TRPC5: variants seen among roughly 807,000 people sequenced by gnomAD.
The protein encoded by TRPC5 is short transient receptor potential channel 5.
In TRPC5, 9 loss-of-function variants were observed where a neutral mutation model predicts 56.5. That is an observed-to-expected ratio of 0.16 (90% CI 0.10 to 0.28). The LOEUF is 0.28. Among genes scored for constraint, TRPC5 ranks in the 10% least tolerant of loss-of-function variants. The probability of loss-of-function intolerance (pLI) is 1.00; values close to 1 mark genes in which losing one functional copy is unlikely to be tolerated. For missense variants in TRPC5, 469 were observed against 748.9 expected (o/e 0.63, Z 4.36); for synonymous variants, 282 against 278.5 (o/e 1.01, Z -0.13).
chrX:112,052,965 G>A (rs1036946312), intron 1 of TRPC5, among the ~76,000 whole-genome samples: 2 of 111,724 alleles, frequency 1.8e-5, no homozygotes, highest in Middle Eastern at 4.6e-3. Context: ...TGGCATATAT[G>A]TCTGCCTTTG....
chrX:111,982,268 C>T (rs755988731), intron 1 of TRPC5, among the ~76,000 whole-genome samples: 6 of 112,010 alleles, frequency 5.4e-5, no homozygotes, highest in Non-Finnish European at 1.1e-4. Flanking sequence ...AAGAAATACG[C>T]ATGATAATTA....
intron 6 of TRPC5, among the ~76,000 whole-genome samples, chrX:111,839,788 C>T (rs1372046852): frequency 9.0e-6 from 1 of 111,027 alleles, no homozygotes; most frequent in Non-Finnish European, 1.9e-5. Flanking sequence ...ACAATTATTG[C>T]TCGCTGCAGT....
rs138912641 is a variant in TRPC5 at position 111,928,588 on chromosome X, C to T, written c.379-15776G>A. Among the ~76,000 whole-genome samples, 732 of 111,887 alleles carry T rather than the reference C, an allele frequency of 6.5e-3. 3 individuals are homozygous for T. Among genetic ancestry groups the T allele is most frequent in the Non-Finnish European group, 9.6e-3 (510 of 53,186 alleles). ...AGTATACCTTTCGCTGTTGTCACAG[C>T]GGACCAAGTGTTAAAAGAAAGGAGC... On this transcript the variant is annotated intron_variant, in intron 2 of 10. Transcript: ENST00000262839.
At chrX:111,963,052 G>A (rs1227671392) in intron 1 of TRPC5, among the ~76,000 whole-genome samples, 1 of 112,202 alleles carries the variant, frequency 8.9e-6, no homozygotes, top group Admixed American at 9.4e-5. Flanking sequence ...CAGCGCAAGG[G>A]GTCAGGGAGT....
intron 7 of TRPC5, among the ~76,000 whole-genome samples, chrX:111,784,451 C>T (rs1945944516): frequency 9.0e-6 from 1 of 111,551 alleles, no homozygotes; most frequent in Admixed American, 9.5e-5. Context: ...GGAGTGGGGG[C>T]ATTACAAGAT....
chrX:111,886,454 C>A (rs1461405304), intron 3 of TRPC5, among the ~76,000 whole-genome samples: 1 of 111,638 alleles, frequency 9.0e-6, no homozygotes, highest in Admixed American at 9.5e-5. Flanking sequence ...TGCATTGACA[C>A]TTCTTTTTTT....
At chrX:111,808,817 C>T (rs1921606664) in intron 7 of TRPC5, among the ~76,000 whole-genome samples, 1 of 110,044 alleles carries the variant, frequency 9.1e-6, no homozygotes, top group East Asian at 2.9e-4. Flanking sequence ...TACTACAGGA[C>T]TAACACTCCT....
chrX:111,994,427 C>T (rs1336119827), intron 1 of TRPC5, among the ~76,000 whole-genome samples: 1 of 111,181 alleles, frequency 9.0e-6, no homozygotes, highest in Non-Finnish European at 1.9e-5. Flanking sequence ...TAGTTTTTTC[C>T]AATTCTGTGA....
chrX:111,998,918 A>G (rs762154743), intron 1 of TRPC5, among the ~76,000 whole-genome samples: 45 of 110,194 alleles, frequency 4.1e-4, no homozygotes, highest in Admixed American at 8.6e-4. Flanking sequence ...ATTGAACACT[A>G]TAAGTTATTT....
At chrX:111,916,533 G>T (rs1259448661) in intron 2 of TRPC5, among the ~76,000 whole-genome samples, 1 of 111,893 alleles carries the variant, frequency 8.9e-6, no homozygotes, top group Non-Finnish European at 1.9e-5. Flanking sequence ...CTATAATGAG[G>T]GTTAGAAGAT....
chrX:112,006,059 T>A lies in TRPC5; in HGVS notation c.-21-53618A>T, dbSNP rs931659276. Among the ~76,000 whole-genome samples the A allele has an allele frequency of 3.6e-5, 4 of 111,462 alleles. No individual in the cohort carries two copies. In the South Asian group the frequency reaches 1.5e-3, roughly 43 times the overall value. On this transcript the variant is annotated intron_variant, in intron 1 of 10. Transcript: ENST00000262839. Reference sequence around the variant, plus strand: ...AAACCCAGTTGGCAAATGTGCTGCTTCCTCTCCATGTCTGCCTCTGCAGCT... The same window carrying A: ...AAACCCAGTTGGCAAATGTGCTGCTACCTCTCCATGTCTGCCTCTGCAGCT...
intron 1 of TRPC5, among the ~76,000 whole-genome samples, chrX:112,066,134 T>C (rs1317198571): frequency 9.4e-6 from 1 of 106,803 alleles, no homozygotes; most frequent in Non-Finnish European, 1.9e-5. Flanking sequence ...GCTCTTATGT[T>C]ACATCCCTTC....
chrX:112,051,466 G>C (rs2147733977), intron 1 of TRPC5, among the ~76,000 whole-genome samples: 1 of 111,516 alleles, frequency 9.0e-6, no homozygotes, highest in Admixed American at 9.5e-5. Context: ...CAATAAGTGA[G>C]AGCAGAAATT....
chrX:112,035,093 A>T (rs868626494), intron 1 of TRPC5, among the ~76,000 whole-genome samples: 1 of 104,303 alleles, frequency 9.6e-6, no homozygotes, highest in African/African-American at 3.7e-5. Flanking sequence ...TTTTTTTAAA[A>T]AAAAAAAAAT....
chrX:112,040,244 A>G (rs1929857996), intron 1 of TRPC5, among the ~76,000 whole-genome samples: 1 of 112,376 alleles, frequency 8.9e-6, no homozygotes, highest in Non-Finnish European at 1.9e-5. Flanking sequence ...ATGTGTTCGT[A>G]CATGACCTTG....
rs192792016 is a variant in TRPC5 at position 111,887,860 on chromosome X, T to C, written c.900+24431A>G. Reference sequence around the variant, plus strand: ...ATCCCTGCCTTCATGGAGCTTACATTCTAGAGAGGAAAACCAGAAAATAAA... The same window carrying C: ...ATCCCTGCCTTCATGGAGCTTACATCCTAGAGAGGAAAACCAGAAAATAAA... On this transcript the variant is annotated intron_variant, in intron 3 of 10. Transcript: ENST00000262839. Among the ~76,000 whole-genome samples, 203 of 112,165 alleles carry C rather than the reference T, an allele frequency of 1.8e-3. 1 individual carries two copies. Among genetic ancestry groups the C allele is most frequent in the African/African-American group, 6.3e-3 (194 of 30,913 alleles).
intron 1 of TRPC5, among the ~76,000 whole-genome samples, chrX:112,020,375 C>T (rs758710496): frequency 8.9e-6 from 1 of 112,050 alleles, no homozygotes; most frequent in Admixed American, 9.5e-5. Context: ...CTCAGAGGTT[C>T]TGGGTCTTTG....
chrX:111,771,345 A>G lies in TRPC5; in HGVS notation c.*4968T>C, dbSNP rs1004801515. Among the ~76,000 whole-genome samples, 2 of 111,847 alleles carry G rather than the reference A, an allele frequency of 1.8e-5. No individual in the cohort carries two copies. The highest frequency in any genetic ancestry group is 9.5e-5 in the Admixed American group (1 of 10,478). ...ATGTTTAAATATTATAATTCTTAATATGTATATGTCTCTCAGGTACCACAA... is the reference window on the plus strand; with the variant it reads ...ATGTTTAAATATTATAATTCTTAATGTGTATATGTCTCTCAGGTACCACAA... On this transcript the variant is annotated 3_prime_UTR_variant, in exon 11 of 11. Transcript: ENST00000262839.
chrX:112,010,115 G>T (rs1428761900), intron 1 of TRPC5, among the ~76,000 whole-genome samples: 1 of 111,968 alleles, frequency 8.9e-6, no homozygotes, highest in Non-Finnish European at 1.9e-5. Context: ...AGTGAAAAGA[G>T]CTAGGGCAAC....
Sources: gnomAD v4.1 joint callset for allele counts (sites outside exome capture counted in the v4.1 genomes callset) on GRCh38, gnomAD v4.1.1 for gene constraint, MANE v1.5 for transcripts, NCBI Gene and HGNC (gene_info 2026-07-23, HGNC 2026-07-21) for gene names.